TJP1: variants seen among roughly 807,000 people sequenced by gnomAD.
TJP1 encodes the protein tight junction protein 1.
Under a neutral mutation model 194.2 loss-of-function variants are expected in TJP1, and 43 were observed. The observed-to-expected ratio is 0.22, with a 90% CI of 0.17 to 0.29. The LOEUF (loss-of-function observed/expected upper bound fraction) is 0.29, where lower values mean the gene tolerates loss of function less well. Ranked by LOEUF, TJP1 falls within the 10% of genes least tolerant of loss-of-function variation. The pLI, the probability that TJP1 is intolerant of heterozygous loss-of-function variation, is 1.00. For synonymous variants in TJP1, 801 were observed against 779.0 expected (o/e 1.03, Z -0.47); for missense variants, 1,971 against 2,185.7 (o/e 0.90, Z 1.96).
intron 2 of TJP1, among the ~76,000 whole-genome samples, chr15:29,898,054 G>A (rs1414701064): frequency 6.6e-6 from 1 of 152,186 alleles, no homozygotes; most frequent in African/African-American, 2.4e-5. Context: ...CATGAGATTT[G>A]AGAGGGGCCA....
At position 29,718,541 on chromosome 15, in the gene TJP1, G is replaced by C. The variant is rs374757359; in HGVS notation, c.3601C>G (p.Gln1201Glu). 1 of 1,614,164 alleles carries C rather than the reference G, an allele frequency of 6.2e-7. No individual in the cohort carries two copies. Among genetic ancestry groups the C allele is most frequent in the Non-Finnish European group, 8.5e-7 (1 of 1,180,020 alleles). The change falls in exon 21 of 28, where the codon CAA (glutamine) becomes GAA (glutamate). Residue 1201 changes from glutamine (Q) to glutamate (E), a missense_variant. By Grantham distance (29) the Gln-to-Glu change is conservative. Around this residue, in one of 5 missense-constraint regions of TJP1, gnomAD observed 1,108 missense variants for 1,128.5 expected, o/e 0.98. Coordinates refer to ENST00000614355, the MANE Select transcript of TJP1 (RefSeq NM_001330239.4). The part of the protein sequence containing the change: ...YFEQYSRSYE[Q>E]VPPQGFTSRA... ...GAGGTAAATCCTTGGGGTGGTACTT[G>C]CTCGTAACTGCGTGAATATTGCTCA...
intron 2 of TJP1, among the ~76,000 whole-genome samples, chr15:29,914,838 T>C (rs2054132400): frequency 1.3e-5 from 2 of 150,030 alleles, no homozygotes; most frequent in Admixed American, 1.3e-4. Context: ...CTGGCCCCTC[T>C]CCCACACCCT....
At chr15:29,820,213 A>G (rs1053494388) in intron 1 of TJP1, among the ~76,000 whole-genome samples, 1 of 150,058 alleles carries the variant, frequency 6.7e-6, no homozygotes, top group African/African-American at 2.5e-5. Flanking sequence ...CAAACGCATC[A>G]TATGTAAAGC....
At chr15:29,811,382 A>T (rs1425403677) in intron 1 of TJP1, among the ~76,000 whole-genome samples, 1 of 130,520 alleles carries the variant, frequency 7.7e-6, no homozygotes, top group Non-Finnish European at 1.6e-5. Context: ...GGGGGGTATG[A>T]TACTTAGGAG....
At chr15:29,812,267 G>C (rs2049576278) in intron 1 of TJP1, among the ~76,000 whole-genome samples, 1 of 152,148 alleles carries the variant, frequency 6.6e-6, no homozygotes, top group Non-Finnish European at 1.5e-5. Flanking sequence ...GTTTACACGG[G>C]TGTTCACTTT....
At chr15:29,943,660 A>G (rs1427442574) in intron 2 of TJP1, among the ~76,000 whole-genome samples, 1 of 142,490 alleles carries the variant, frequency 7.0e-6, no homozygotes, top group Non-Finnish European at 1.5e-5. Flanking sequence ...AAAAGGCAAT[A>G]TTTTCAGGCC....
rs145294035 is a variant in TJP1 at position 29,948,268 on chromosome 15, A to C, written c.306+7964T>G. On this transcript the variant is annotated intron_variant, in intron 2 of 28. Coordinates refer to the TJP1 transcript ENST00000356107. ...AGAGCAACACTCCATCACAAAAAAA[A>C]AAAAAAAAAGACAATCATTCAATCA... Among the ~76,000 whole-genome samples the C allele has an allele frequency of 6.3e-3, 956 of 152,202 alleles. 11 individuals carry two copies. The highest frequency in any genetic ancestry group is 0.022 in the African/African-American group (903 of 41,538).
In TJP1 at chr15:29,928,793, T is replaced by G. The variant is rs185282832; in HGVS notation, c.306+27439A>C. On this transcript the variant is annotated intron_variant, in intron 2 of 28. Transcript: ENST00000356107. Reference sequence around the variant, plus strand: ...CCCGTCTCTACTAAAAATACAAAAATTAGCTGGGCGTGGTGGTGGGCGCCT... The same window carrying G: ...CCCGTCTCTACTAAAAATACAAAAAGTAGCTGGGCGTGGTGGTGGGCGCCT... 6.4e-3 allele frequency among the ~76,000 whole-genome samples: 980 copies of G among 152,048 alleles called. 4 individuals are homozygous for G. The highest frequency in any genetic ancestry group is 0.031 in the Middle Eastern group (9 of 294).
chr15:29,796,594 G>A (rs963065428), intron 2 of TJP1, among the ~76,000 whole-genome samples: 3 of 152,206 alleles, frequency 2.0e-5, no homozygotes, highest in East Asian at 1.9e-4. Context: ...TATCCCCAAT[G>A]ATTTGTAGAT....
Position 29,718,834 on chromosome 15 carries a change from C to T in TJP1, c.3308G>A (p.Arg1103Gln), listed in dbSNP as rs201332094. The stretch of plus-strand genomic sequence containing the variant: ...AGAGTGCTGATTATCAAAAGGTGGC[C>T]GAGATGGGTAGGGCTGTTTGTCATC... The part of the protein sequence containing the change: ...YYDDKQPYPS[R>Q]PPFDNQHSQD... Residue 1103 changes from arginine (R) to glutamine (Q), a missense_variant, in exon 21 of 28, where the codon CGG becomes CAG. Around this residue, in one of 5 missense-constraint regions of TJP1, gnomAD observed 1,108 missense variants for 1,128.5 expected, o/e 0.98. Coordinates refer to ENST00000614355, the MANE Select transcript of TJP1 (RefSeq NM_001330239.4). 1.5e-5 allele frequency: 25 copies of T among 1,613,944 alleles called. 1 individual carries two copies. The East Asian group carries it at 1.6e-4, about 10-fold the overall frequency.
chr15:29,828,083 A>C (rs896171027), intron 2 of TJP1, among the ~76,000 whole-genome samples: 2 of 152,258 alleles, frequency 1.3e-5, no homozygotes, highest in Non-Finnish European at 2.9e-5. Context: ...ACCCAGGAAT[A>C]CCATGATCTA....
chr15:29,782,057 G>C (rs1290593003), intron 2 of TJP1, among the ~76,000 whole-genome samples: 5 of 152,166 alleles, frequency 3.3e-5, no homozygotes, highest in Non-Finnish European at 5.9e-5. Context: ...ACATGATTCT[G>C]TATCTAGAAA....
chr15:29,785,962 G>A (rs1399589380), intron 2 of TJP1, among the ~76,000 whole-genome samples: 2 of 152,170 alleles, frequency 1.3e-5, no homozygotes, highest in African/African-American at 4.8e-5. Context: ...CTGAATAAGA[G>A]AGATTTTAAT....
intron 2 of TJP1, among the ~76,000 whole-genome samples, chr15:29,936,367 T>G (rs750674933): frequency 6.6e-6 from 1 of 152,220 alleles, no homozygotes; most frequent in South Asian, 2.1e-4. Context: ...CTCCTCTATG[T>G]TGCCAGCACC....
intron 2 of TJP1, among the ~76,000 whole-genome samples, chr15:29,884,711 C>T (rs926549985): frequency 2.0e-5 from 3 of 152,152 alleles, no homozygotes; most frequent in Admixed American, 6.5e-5. Flanking sequence ...CCTAAGGCAT[C>T]GATGCTGTAG....
At chr15:29,748,922 A>ATGTGTGTGTGTGTGTGTG (rs112772922) in intron 8 of TJP1, among the ~76,000 whole-genome samples, 1 of 104,616 alleles carries the variant, frequency 9.6e-6, no homozygotes, top group African/African-American at 2.8e-5. Flanking sequence ...AAGCTTAAAA[A>ATGTGTGTGTGTGTGTGTG]TGTGTGTGTG....
At chr15:29,968,779 C>G in exon 1 of TJP1, 2 of 1,219,178 alleles carry the variant, frequency 1.6e-6, no homozygotes, top group Non-Finnish European at 2.1e-6. Context: ...CCGCTCCGCT[C>G]GCGGGCAGGG....
rs1234307639 is a variant in TJP1, at chr15:29,718,103, A to G, written c.3892T>C (p.Ser1298Pro). 5 of 1,572,512 alleles carry G rather than the reference A, an allele frequency of 3.2e-6. No individual in the cohort carries two copies. The African/African-American group carries it at 5.5e-5, about 17-fold the overall frequency. Residue 1298 changes from serine to proline, a missense_variant, in exon 22 of 28, where the codon TCT (serine) becomes CCT (proline). Ser to Pro is a moderately conservative substitution (Grantham distance 74, BLOSUM62 -1). Coordinates refer to ENST00000614355, the MANE Select transcript of TJP1 (RefSeq NM_001330239.4). Reference sequence around the variant, plus strand: ...ATGATGGGAGCACCTGAAGGTTTAGATGCTACTTCTGGAGGCTGTTTAAAA... The same window carrying G: ...ATGATGGGAGCACCTGAAGGTTTAGGTGCTACTTCTGGAGGCTGTTTAAAA... ...TGSFKPPEVASKPSGAPIIGP... is the reference protein window; with the variant it reads ...TGSFKPPEVAPKPSGAPIIGP...
At chr15:29,712,432 G>A (rs747432598) in intron 23 of TJP1, among the ~76,000 whole-genome samples, 11 of 152,202 alleles carry the variant, frequency 7.2e-5, no homozygotes, top group Non-Finnish European at 1.0e-4. Flanking sequence ...CAAAGCAAGC[G>A]CAATAGAAAA....
Sources: allele counts gnomAD v4.1 joint callset (sites outside exome capture counted in the v4.1 genomes callset), GRCh38; gene constraint gnomAD v4.1.1; regional missense constraint gnomAD v4.1.1; transcripts MANE v1.5; gene names NCBI Gene and HGNC (gene_info 2026-07-23, HGNC 2026-07-21).